The following UBE2G2 variants were observed in gnomAD, a reference collection of about 807,000 sequenced individuals.
UBE2G2 encodes ubiquitin-conjugating enzyme E2 G2.
Under a neutral mutation model 23.0 loss-of-function variants are expected in UBE2G2, and 10 were observed. The observed-to-expected ratio is 0.43, with a 90% CI of 0.27 to 0.74. UBE2G2 has a LOEUF of 0.74. UBE2G2 is among the 30% of genes least tolerant of loss of function. The probability of loss-of-function intolerance (pLI) is 0.19; values close to 1 mark genes in which losing one functional copy is unlikely to be tolerated. For synonymous variants in UBE2G2, 86 were observed against 81.3 expected (o/e 1.06, Z -0.31); for missense variants, 150 against 218.3 (o/e 0.69, Z 1.97).
chr21:44,771,820 C>G lies in UBE2G2; in HGVS notation c.386-331G>C, dbSNP rs1210494661. On this transcript the variant is annotated intron_variant, in intron 5 of 5. Coordinates refer to ENST00000345496, the MANE Select transcript of UBE2G2 (RefSeq NM_003343.6). The surrounding 1 kb of genome is among the most constrained non-coding windows in gnomAD (Gnocchi z 4.6). ...GCCTCCTGGGCCACTGCACTTCTGGCACCCGGACAAGCTACACGGGGACCA... is the reference window on the plus strand; with the variant it reads ...GCCTCCTGGGCCACTGCACTTCTGGGACCCGGACAAGCTACACGGGGACCA... 6.6e-6 allele frequency among the ~76,000 whole-genome samples: 1 copy of G among 152,208 alleles called. No individual in the cohort carries two copies. The highest frequency in any genetic ancestry group is 2.4e-5 in the African/African-American group (1 of 41,454).
intron 1 of UBE2G2, among the ~76,000 whole-genome samples, chr21:44,792,295 G>A (rs1435765345): frequency 6.6e-6 from 1 of 152,134 alleles, no homozygotes; most frequent in East Asian, 1.9e-4. Flanking sequence ...ATGAGATTTG[G>A]GAGGGGTAGG....
chr21:44,799,370 G>C (rs528428476), intron 1 of UBE2G2, among the ~76,000 whole-genome samples: 2 of 152,280 alleles, frequency 1.3e-5, no homozygotes, highest in African/African-American at 2.4e-5. Flanking sequence ...TCCCAATACC[G>C]TATAAGGCTA....
chr21:44,792,227 T>C lies in UBE2G2; in HGVS notation c.44-4132A>G, dbSNP rs543487684. Among the ~76,000 whole-genome samples the C allele has an allele frequency of 2.6e-5, 4 of 152,302 alleles. No homozygotes were observed. The East Asian group carries it at 7.7e-4, about 29-fold the overall frequency. ...TTAATGACGAAATGAGTTAAGACTT[T>C]GGGGGCCTTGCTGGGAAGGCATGAT... is the stretch of plus-strand genomic sequence containing the variant. On this transcript the variant is annotated intron_variant, in intron 1 of 5. Transcript: ENST00000345496.
At chr21:44,785,778 T>G (rs2082992026) in intron 3 of UBE2G2, 1 of 152,200 alleles carries the variant, frequency 6.6e-6, no homozygotes, top group Non-Finnish European at 1.5e-5. Flanking sequence ...AACGGCCTCT[T>G]GTTTGTGAAG....
At chr21:44,801,641 C>T (rs1190039829) in intron 1 of UBE2G2, 65 bp downstream of exon 1, 9 of 1,486,158 alleles carry the variant, frequency 6.1e-6, no homozygotes, top group Middle Eastern at 2.1e-4. Flanking sequence ...CCAGCCCCGC[C>T]GGACGACGCG....
chr21:44,794,112 A>G (rs2083066763), intron 1 of UBE2G2, among the ~76,000 whole-genome samples: 1 of 152,252 alleles, frequency 6.6e-6, no homozygotes, highest in Non-Finnish European at 1.5e-5. Flanking sequence ...TATCCTTTTA[A>G]GAAGAGATGA....
At chr21:44,777,091 T>C (rs1417837780) in intron 4 of UBE2G2, 1 of 488,574 alleles carries the variant, frequency 2.0e-6, no homozygotes, top group Non-Finnish European at 3.6e-6. Flanking sequence ...TAGGTGCCTG[T>C]TGTCTTTTAT....
At chr21:44,786,499 T>C (rs1368884565) in intron 3 of UBE2G2, among the ~76,000 whole-genome samples, 2 of 152,262 alleles carry the variant, frequency 1.3e-5, no homozygotes, top group Non-Finnish European at 2.9e-5. Context: ...TAGCGTTTGA[T>C]GATTTTTTAA....
Position 44,773,701 on chromosome 21 carries a change from A to G in UBE2G2, c.245-14T>C. 6.2e-7 allele frequency: 1 copy of G among 1,609,874 alleles called. No individual in the cohort carries two copies. Among genetic ancestry groups the G allele is most frequent in the Non-Finnish European group, 8.5e-7 (1 of 1,179,170 alleles). ...CATCAGGGTAGACTGCAAGGGTCAG[A>G]GGCAGCCAAGTGAGCCCAGGAATGG... On this transcript the variant is annotated splice_polypyrimidine_tract_variant and intron_variant, in intron 4 of 5. Coordinates refer to ENST00000345496, the MANE Select transcript of UBE2G2 (RefSeq NM_003343.6).
At chr21:44,799,076 ATCT>A (rs370412603) in intron 1 of UBE2G2, among the ~76,000 whole-genome samples, 8 of 152,310 alleles carry the variant, frequency 5.3e-5, no homozygotes, top group African/African-American at 1.7e-4. Flanking sequence ...TTTGAAGATA[ATCT>A]TTTTTTCTGA....
At chr21:44,795,033 C>T (rs916075623) in intron 1 of UBE2G2, among the ~76,000 whole-genome samples, 4 of 151,880 alleles carry the variant, frequency 2.6e-5, no homozygotes, top group African/African-American at 7.3e-5. Flanking sequence ...CTTTGGGAGG[C>T]GAGGCAAACT....
At chr21:44,789,627 CA>C (rs200077478) in intron 1 of UBE2G2, among the ~76,000 whole-genome samples, 1 of 150,272 alleles carries the variant, frequency 6.7e-6, no homozygotes, top group South Asian at 2.1e-4. Context: ...ATCTCTAAGA[CA>C]AAAAAAAATC....
chr21:44,794,153 A>C (rs1003531968), intron 1 of UBE2G2, among the ~76,000 whole-genome samples: 1 of 152,250 alleles, frequency 6.6e-6, no homozygotes, highest in African/African-American at 2.4e-5. Flanking sequence ...GAGCCTCAGA[A>C]GAAACCAGCC....
At chr21:44,799,241 G>A (rs2083116702) in intron 1 of UBE2G2, among the ~76,000 whole-genome samples, 1 of 152,092 alleles carries the variant, frequency 6.6e-6, no homozygotes, top group African/African-American at 2.4e-5. Context: ...AATGAGAACT[G>A]GCTTCAACTC....
At chr21:44,791,652 A>G (rs1317610388) in intron 1 of UBE2G2, among the ~76,000 whole-genome samples, 2 of 152,216 alleles carry the variant, frequency 1.3e-5, no homozygotes, top group Admixed American at 6.5e-5. Context: ...CAGGGCCCTC[A>G]TGGAGAACAT....
At chr21:44,777,260 T>A in intron 4 of UBE2G2, 39 bp downstream of exon 4, 1 of 1,529,390 alleles carries the variant, frequency 6.5e-7, no homozygotes, top group Non-Finnish European at 9.1e-7. Flanking sequence ...TCTCCGTACC[T>A]ATCCTGGTAC....
At position 44,801,669 on chromosome 21, in the gene UBE2G2, G is replaced by A. The variant is rs1339136846; in HGVS notation, c.43+37C>T. 4.0e-6 allele frequency: 6 copies of A among 1,503,824 alleles called. No individual in the cohort carries two copies. The African/African-American group carries it at 4.4e-5, about 11-fold the overall frequency. The allele number at this position is 1,503,824 out of a possible 1,614,324, so 93.2% of individuals were successfully genotyped here. On this transcript the variant is annotated intron_variant, in intron 1 of 5. Transcript: ENST00000345496. Reference sequence around the variant, plus strand: ...ACGACGCGGGCCCGGGAGCAGGAACGCGGGACGCTGCTGACGGCCCGGGTC... The same window carrying A: ...ACGACGCGGGCCCGGGAGCAGGAACACGGGACGCTGCTGACGGCCCGGGTC...
chr21:44,777,233 G>A (rs2082920053), intron 4 of UBE2G2, 66 bp downstream of exon 4: 5 of 1,319,086 alleles, frequency 3.8e-6, no homozygotes, highest in Middle Eastern at 1.8e-4. Flanking sequence ...CCACATTTCA[G>A]GTGGCTGATA....
chr21:44,777,122 A>G, intron 4 of UBE2G2, 177 bp downstream of exon 4: 1 of 603,486 alleles, frequency 1.7e-6, no homozygotes, highest in South Asian at 2.1e-5. Flanking sequence ...CTGACCTTCA[A>G]AATTGAAATC....
Sources: gnomAD v4.1 joint callset for allele counts (sites outside exome capture counted in the v4.1 genomes callset) on GRCh38, gnomAD v4.1.1 for gene constraint, Gnocchi (gnomAD v3.1) non-coding constraint, MANE v1.5 for transcripts, NCBI Gene and HGNC (gene_info 2026-07-23, HGNC 2026-07-21) for gene names.